The following U2SURP variants were observed in gnomAD, a reference collection of about 807,000 sequenced individuals.
The protein encoded by U2SURP is U2 snRNP associated SURP domain containing, also known as U2 snRNP-associated SURP motif-containing protein.
In U2SURP, 9 loss-of-function variants were observed where a neutral mutation model predicts 144.9. That is an observed-to-expected ratio of 0.06 (90% CI 0.04 to 0.11). U2SURP has a LOEUF of 0.11. U2SURP is among the 10% of genes least tolerant of loss of function. The pLI, the probability that U2SURP is intolerant of heterozygous loss-of-function variation, is 1.00. For missense variants in U2SURP, 724 were observed against 1,226.7 expected (o/e 0.59, Z 6.12); for synonymous variants, 408 against 396.8 (o/e 1.03, Z -0.33).
intron 24 of U2SURP, among the ~76,000 whole-genome samples, chr3:143,047,055 C>T (rs59236208): frequency 0.62 from 64,690 of 104,410 alleles, 20,536 homozygotes; most frequent in East Asian, 0.68. Flanking sequence ...GACTGACCCC[C>T]CCACCTCCCT....
intron 24 of U2SURP, among the ~76,000 whole-genome samples, chr3:143,044,178 G>A (rs1372582008): frequency 2.0e-5 from 3 of 151,440 alleles, no homozygotes; most frequent in Non-Finnish European, 4.4e-5. Context: ...ATATGAAGGA[G>A]AATAGACATT....
Position 143,001,644 on chromosome 3 carries a change from C to G in U2SURP, c.16C>G (p.Pro6Ala). 1 of 1,614,016 alleles carries G rather than the reference C, an allele frequency of 6.2e-7. No homozygotes were observed. Among genetic ancestry groups the G allele is most frequent in the Non-Finnish European group, 8.5e-7 (1 of 1,179,902 alleles). ...AAAGCTCAAGATGGCGGACAAAACG[C>G]CAGGCGGATCTCAGAAGGCCAGTTC... is the stretch of plus-strand genomic sequence containing the variant. The part of the protein sequence containing the change: MADKT[P>A]GGSQKASSKT... Residue 6 changes from proline (P) to alanine (A), a missense_variant, in exon 1 of 28, where the codon CCA becomes GCA. Pro to Ala is a conservative substitution (Grantham distance 27). This residue lies in a region of U2SURP where 127 missense variants were observed against 98.2 expected (regional missense o/e 1.29). Coordinates refer to ENST00000473835, the MANE Select transcript of U2SURP (RefSeq NM_001080415.2).
In U2SURP at chr3:143,014,296, C is replaced by CT; in HGVS notation, c.223-10dup. 1 of 1,546,990 alleles carries CT rather than the reference C, an allele frequency of 6.5e-7. No individual in the cohort carries two copies. The highest frequency in any genetic ancestry group is 2.3e-5 in the East Asian group (1 of 44,014). On this transcript the variant is annotated splice_polypyrimidine_tract_variant and intron_variant, in intron 3 of 27. Coordinates refer to ENST00000473835, the MANE Select transcript of U2SURP (RefSeq NM_001080415.2). Reference sequence around the variant, plus strand: ...TTAAGAATCTATATGTAAAAGTATGCTTTTTATTTCTTAGCCTCTTCTGGA... The same window carrying CT: ...TTAAGAATCTATATGTAAAAGTATGCTTTTTTATTTCTTAGCCTCTTCTGGA...
In U2SURP at chr3:143,010,807, A is replaced by G; in HGVS notation, c.46-8A>G. 4 of 1,597,696 alleles carry G rather than the reference A, an allele frequency of 2.5e-6. No individual in the cohort carries two copies. In the South Asian group the frequency reaches 4.5e-5, roughly 18 times the overall value. On this transcript the variant is annotated splice_region_variant and splice_polypyrimidine_tract_variant and intron_variant, in intron 1 of 27. Transcript: ENST00000473835. ...TAAATTATTGACTTTTATTTTTGATACTTGTAGACGAGATCATCAGATGTT... is the reference window on the plus strand; with the variant it reads ...TAAATTATTGACTTTTATTTTTGATGCTTGTAGACGAGATCATCAGATGTT...
At chr3:143,010,068 C>G (rs1175971541) in intron 1 of U2SURP, among the ~76,000 whole-genome samples, 1 of 152,192 alleles carries the variant, frequency 6.6e-6, no homozygotes, top group Non-Finnish European at 1.5e-5. Context: ...ATCTTTCTTT[C>G]AGAAAGATAG....
intron 8 of U2SURP, among the ~76,000 whole-genome samples, chr3:143,021,149 C>T (rs1936607373): frequency 6.6e-6 from 1 of 152,054 alleles, no homozygotes; most frequent in African/African-American, 2.4e-5. Flanking sequence ...CGAGAACGTG[C>T]CATTGCACTC....
intron 24 of U2SURP, among the ~76,000 whole-genome samples, chr3:143,049,145 A>C (rs1417288773): frequency 6.6e-6 from 1 of 151,460 alleles, no homozygotes; most frequent in Non-Finnish European, 1.5e-5. Context: ...GTGCGCCTGT[A>C]ATCCCAGCTA....
intron 6 of U2SURP, 81 bp downstream of exon 6, chr3:143,017,056 G>C (rs1936406644): frequency 3.6e-6 from 5 of 1,398,204 alleles, no homozygotes; most frequent in Admixed American, 3.3e-5. Context: ...CAAGACTTTG[G>C]CTTTTTTTCG....
Position 143,055,035 on chromosome 3 carries a change from G to A in U2SURP, c.2867G>A (p.Arg956His), listed in dbSNP as rs372157259. 25 of 1,607,884 alleles carry A rather than the reference G, an allele frequency of 1.6e-5. No individual in the cohort carries two copies. Among genetic ancestry groups the A allele is most frequent in the South Asian group, 2.2e-5 (2 of 89,482 alleles). The change falls in exon 27 of 28, where the codon CGT (arginine) becomes CAT (histidine). Residue 956 changes from arginine to histidine, a missense_variant. Around this residue, in one of 13 missense-constraint regions of U2SURP, gnomAD observed 129 missense variants for 196.1 expected, o/e 0.66. Transcript: ENST00000473835. ...SPSPKSERSE[R>H]SERSHKESSR... ...TCACCAAAATCGGAGCGATCAGAGC[G>A]TTCAGAAAGATCTCATAAAGAGAGC...
At chr3:143,051,735 TG>T (rs1208142620) in intron 25 of U2SURP, among the ~76,000 whole-genome samples, 1 of 152,094 alleles carries the variant, frequency 6.6e-6, no homozygotes, top group Non-Finnish European at 1.5e-5. Context: ...GGGAGCAGTC[TG>T]GTAAAGCAAC....
Position 143,037,293 on chromosome 3 carries a change from G to T in U2SURP, c.2179G>T (p.Val727Phe). The change falls in exon 21 of 28, where the codon GTC (valine) becomes TTC (phenylalanine). Residue 727 changes from valine to phenylalanine, a missense_variant. Coordinates refer to ENST00000473835, the MANE Select transcript of U2SURP (RefSeq NM_001080415.2). ...TACTCCCATCGATGATCTTGATGGA[G>T]TCCCTATAAAAAGTCTTGATGATGA... The part of the protein sequence containing the change: ...DATPIDDLDG[V>F]PIKSLDDDLD... 1 of 1,612,568 alleles carries T rather than the reference G, an allele frequency of 6.2e-7. No homozygotes were observed. Among genetic ancestry groups the T allele is most frequent in the South Asian group, 1.1e-5 (1 of 90,804 alleles).
At chr3:143,003,439 C>T (rs1196727703) in intron 1 of U2SURP, among the ~76,000 whole-genome samples, 1 of 152,114 alleles carries the variant, frequency 6.6e-6, no homozygotes, top group Non-Finnish European at 1.5e-5. Flanking sequence ...CCTCAATTCC[C>T]TCATTTGTAA....
chr3:143,020,326 T>G (rs1336649145), intron 7 of U2SURP, among the ~76,000 whole-genome samples: 1 of 152,164 alleles, frequency 6.6e-6, no homozygotes, highest in Non-Finnish European at 1.5e-5. Context: ...TGAGGGGCAG[T>G]TAGACTTAGC....
intron 12 of U2SURP, 180 bp downstream of exon 12, chr3:143,023,244 T>A (rs1932935871): frequency 1.9e-6 from 1 of 528,304 alleles, no homozygotes; most frequent in African/African-American, 2.0e-5. Context: ...AAATACTAGG[T>A]CATATTTTTA....
In U2SURP at chr3:143,026,972, C is replaced by T. The variant is rs1578137072; in HGVS notation, c.1275-177C>T. 5 of 525,672 alleles carry T rather than the reference C, an allele frequency of 9.5e-6. No individual in the cohort carries two copies. The East Asian group carries it at 1.6e-4, about 16-fold the overall frequency. The allele number at this position is 525,672 out of a possible 1,614,324, so 32.6% of individuals were successfully genotyped here. On this transcript the variant is annotated intron_variant, in intron 13 of 27. Coordinates refer to ENST00000473835, the MANE Select transcript of U2SURP (RefSeq NM_001080415.2). ...TCCCACTTCCCTACTCCCACTGCCC[C>T]ACACCCTCTTAATGCACAAGGCATT...
At chr3:143,056,000 T>C (rs561318007) in intron 27 of U2SURP, among the ~76,000 whole-genome samples, 2 of 152,292 alleles carry the variant, frequency 1.3e-5, no homozygotes, top group African/African-American at 2.4e-5. Flanking sequence ...CAGTCACTTA[T>C]GGAGCTTGTT....
At chr3:143,025,988 C>T (rs760297544) in intron 13 of U2SURP, 7 of 151,974 alleles carry the variant, frequency 4.6e-5, no homozygotes, top group Admixed American at 2.0e-4. Flanking sequence ...GTTATATGAA[C>T]GTAATTTGAG....
rs1936584697 is a variant in U2SURP at position 143,020,667 on chromosome 3, C to T, written c.707C>T (p.Ser236Leu). 2 of 1,612,986 alleles carry T rather than the reference C, an allele frequency of 1.2e-6. No homozygotes were observed. The highest frequency in any genetic ancestry group is 2.2e-5 in the South Asian group (2 of 90,798). The change falls in exon 8 of 28, where the codon TCA becomes TTA. Residue 236 changes from serine (S) to leucine (L), a missense_variant. By Grantham distance (145) the Ser-to-Leu change is moderately radical (BLOSUM62 -2). Transcript: ENST00000473835. Reference sequence around the variant, plus strand: ...TTAAGTCGATTTGAACCTCCTCAGTCAGATTCTGATGGTCAGCGTCGTTCT... The same window carrying T: ...TTAAGTCGATTTGAACCTCCTCAGTTAGATTCTGATGGTCAGCGTCGTTCT... The part of the protein sequence containing the change: ...GRLSRFEPPQ[S>L]DSDGQRRSMD...
At chr3:143,052,838 AAGTT>A (rs1439498153) in intron 25 of U2SURP, among the ~76,000 whole-genome samples, 1 of 152,194 alleles carries the variant, frequency 6.6e-6, no homozygotes, top group Non-Finnish European at 1.5e-5. Context: ...GTGAAGAACT[AAGTT>A]AGTTGTGTGG....
Sources: gnomAD v4.1 joint callset for allele counts (sites outside exome capture counted in the v4.1 genomes callset) on GRCh38, gnomAD v4.1.1 for gene constraint, gnomAD v4.1.1 regional missense constraint, MANE v1.5 for transcripts, NCBI Gene and HGNC (gene_info 2026-07-23, HGNC 2026-07-21) for gene names.